ZNF33A: variants seen among roughly 807,000 people sequenced by gnomAD.
ZNF33A encodes the protein zinc finger protein 33A.
Under a neutral mutation model 15.9 loss-of-function variants are expected in ZNF33A, and 9 were observed. That is an observed-to-expected ratio of 0.57 (90% CI 0.34 to 0.99). The LOEUF (loss-of-function observed/expected upper bound fraction) is 0.99, where lower values mean the gene tolerates loss of function less well. Among genes scored for constraint, ZNF33A ranks in the 50% least tolerant of loss-of-function variants. The pLI, the probability that ZNF33A is intolerant of heterozygous loss-of-function variation, is 0.02. For missense variants in ZNF33A, 843 were observed against 941.6 expected (o/e 0.90, Z 1.37); for synonymous variants, 294 against 324.2 (o/e 0.91, Z 1.00).
intron 2 of ZNF33A, among the ~76,000 whole-genome samples, chr10:38,013,135 G>A (rs1199914874): frequency 3.3e-5 from 5 of 151,696 alleles, no homozygotes; most frequent in Admixed American, 3.3e-4. Flanking sequence ...TTTTTGAGAC[G>A]GAATCTTGCT....
At chr10:38,045,698 C>G (rs1369145551) in intron 4 of ZNF33A, among the ~76,000 whole-genome samples, 4 of 152,204 alleles carry the variant, frequency 2.6e-5, no homozygotes, top group Non-Finnish European at 5.9e-5. Flanking sequence ...AGTAAACTTT[C>G]AGTTGGTCTG....
downstream of ZNF33A, among the ~76,000 whole-genome samples, chr10:38,061,570 A>C (rs759751226): frequency 6.6e-6 from 1 of 152,106 alleles, no homozygotes; most frequent in Non-Finnish European, 1.5e-5. Flanking sequence ...CACAGACTAC[A>C]TGACCTTACC....
At chr10:38,030,042 C>T (rs748922651) in intron 4 of ZNF33A, among the ~76,000 whole-genome samples, 5 of 152,102 alleles carry the variant, frequency 3.3e-5, no homozygotes, top group Non-Finnish European at 7.3e-5. Context: ...TACCCAGACA[C>T]GTTATACTGA....
At chr10:38,054,106 C>T (rs1334935526) in intron 4 of ZNF33A, among the ~76,000 whole-genome samples, 3 of 152,190 alleles carry the variant, frequency 2.0e-5, no homozygotes, top group African/African-American at 7.2e-5. Context: ...TGCTATTATT[C>T]TTCTTACACT....
intron 4 of ZNF33A, among the ~76,000 whole-genome samples, chr10:38,022,045 G>A (rs1399423576): frequency 2.6e-5 from 4 of 152,200 alleles, no homozygotes; most frequent in Admixed American, 2.6e-4. Context: ...AAGACGATAG[G>A]TTGCAAACCC....
downstream of ZNF33A, among the ~76,000 whole-genome samples, chr10:38,065,590 T>C (rs1375342767): frequency 1.3e-5 from 2 of 152,212 alleles, no homozygotes; most frequent in Non-Finnish European, 2.9e-5. Flanking sequence ...AATACATTAG[T>C]GAACACCCTG....
rs774968856 is a variant in ZNF33A at position 38,010,684 on chromosome 10, T to G, written c.-144T>G. 1.3e-6 allele frequency: 2 copies of G among 1,595,172 alleles called. No homozygotes were observed. Among genetic ancestry groups the G allele is most frequent in the South Asian group, 2.2e-5 (2 of 91,014 alleles). On this transcript the variant is annotated 5_prime_UTR_variant, in exon 1 of 5. Coordinates refer to ENST00000432900, the MANE Select transcript of ZNF33A (RefSeq NM_006954.2). ...CGCCGGCTACGTCTGCGTTTCCGCC[T>G]TTCCTTTTGTTTTTCTCAGGTTTTG... is the stretch of plus-strand genomic sequence containing the variant.
intron 3 of ZNF33A, 96 bp from the exon 4 acceptor site, chr10:38,017,195 C>G (rs1342932266): frequency 7.1e-7 from 1 of 1,409,510 alleles, no homozygotes; most frequent in Non-Finnish European, 9.7e-7. Flanking sequence ...AAATGTTCCA[C>G]TGGCAACTCG....
chr10:38,038,573 A>G (rs1295420654), intron 4 of ZNF33A, among the ~76,000 whole-genome samples: 1 of 152,172 alleles, frequency 6.6e-6, no homozygotes, highest in Non-Finnish European at 1.5e-5. Flanking sequence ...TTTGTTTTCA[A>G]TCTAAATTCC....
intron 4 of ZNF33A, among the ~76,000 whole-genome samples, chr10:38,044,272 A>G (rs1378974911): frequency 2.8e-5 from 4 of 143,358 alleles, no homozygotes; most frequent in Admixed American, 2.2e-4. Flanking sequence ...CAATGGCACT[A>G]TCTCAGCTCA....
chr10:38,067,093 G>T (rs542179793), downstream of ZNF33A, among the ~76,000 whole-genome samples: 6 of 152,104 alleles, frequency 3.9e-5, no homozygotes, highest in African/African-American at 1.2e-4. Context: ...CATGATCATG[G>T]TGACCCTATT....
At chr10:38,039,999 A>T (rs889096625) in intron 4 of ZNF33A, among the ~76,000 whole-genome samples, 37 of 151,958 alleles carry the variant, frequency 2.4e-4, no homozygotes, top group African/African-American at 8.7e-4. Flanking sequence ...TATGGTTATT[A>T]CAGCTACAAA....
At position 38,044,208 on chromosome 10, in the gene ZNF33A, C is replaced by CTT. The variant is rs35770536; in HGVS notation, c.251-10152_251-10151dup. ...CTACAACCTTTCTTTTCTTTTCTTTCTTTTTTTTTTTTTTTTGAGATGGAG... is the reference window on the plus strand; with the variant it reads ...CTACAACCTTTCTTTTCTTTTCTTTCTTTTTTTTTTTTTTTTTTGAGATGGAG... On this transcript the variant is annotated intron_variant, in intron 4 of 4. Transcript: ENST00000432900. 5.2e-3 allele frequency among the ~76,000 whole-genome samples: 702 copies of CTT among 135,996 alleles called. 4 individuals carry two copies. Among genetic ancestry groups the CTT allele is most frequent in the Non-Finnish European group, 8.5e-3 (535 of 62,792 alleles). 89.2% of individuals were successfully genotyped at this position (135,996 alleles called of 152,430 possible).
At chr10:38,041,884 A>G (rs933007436) in intron 4 of ZNF33A, among the ~76,000 whole-genome samples, 2 of 152,022 alleles carry the variant, frequency 1.3e-5, no homozygotes, top group African/African-American at 4.8e-5. Context: ...GTTCTGTGAT[A>G]CATGTGCAGA....
chr10:38,048,487 A>T (rs2066057186), intron 4 of ZNF33A, among the ~76,000 whole-genome samples: 1 of 151,180 alleles, frequency 6.6e-6, no homozygotes. Flanking sequence ...CACCCCATTT[A>T]AAGACAGAGA....
intron 4 of ZNF33A, among the ~76,000 whole-genome samples, chr10:38,042,053 T>C (rs1461905692): frequency 6.6e-6 from 1 of 152,208 alleles, no homozygotes; most frequent in African/African-American, 2.4e-5. Flanking sequence ...GAAAGAAAGA[T>C]AGGAAGTATC....
intron 4 of ZNF33A, among the ~76,000 whole-genome samples, chr10:38,048,437 A>G (rs1041838136): frequency 2.0e-5 from 3 of 152,232 alleles, no homozygotes; most frequent in African/African-American, 4.8e-5. Flanking sequence ...AAAAGCTTTT[A>G]TAAACATTGA....
chr10:38,019,762 A>G (rs2135559847), intron 4 of ZNF33A, among the ~76,000 whole-genome samples: 1 of 152,332 alleles, frequency 6.6e-6, no homozygotes, highest in East Asian at 1.9e-4. Flanking sequence ...GAAATAACAC[A>G]AGAAGGCTTG....
chr10:38,050,537 A>G (rs1026990250), intron 4 of ZNF33A, among the ~76,000 whole-genome samples: 5 of 152,210 alleles, frequency 3.3e-5, no homozygotes, highest in African/African-American at 1.2e-4. Flanking sequence ...ACACTGGACT[A>G]TGTGTGCAAG....
Sources: allele counts gnomAD v4.1 joint callset (sites outside exome capture counted in the v4.1 genomes callset), GRCh38; gene constraint gnomAD v4.1.1; transcripts MANE v1.5; gene names NCBI Gene and HGNC (gene_info 2026-07-23, HGNC 2026-07-21).